PINX1: variants seen among roughly 807,000 people sequenced by gnomAD.
PINX1 encodes PIN2/TERF1-interacting telomerase inhibitor 1.
PINX1 carries 34 observed loss-of-function variants against 25.4 expected under a neutral mutation model. That is an observed-to-expected ratio of 1.34 (90% CI 1.02 to 1.78). The LOEUF is 1.78. Ranked by LOEUF, PINX1 falls within the 40% of genes most tolerant of loss-of-function variation. PINX1 has a pLI of 0.00. For synonymous variants in PINX1, 197 were observed against 147.7 expected (o/e 1.33, Z -2.42); for missense variants, 592 against 404.9 (o/e 1.46, Z -3.97).
intron 6 of PINX1, among the ~76,000 whole-genome samples, chr8:10,794,407 T>C (rs917208131): frequency 2.0e-5 from 3 of 151,788 alleles, no homozygotes; most frequent in African/African-American, 4.8e-5. Flanking sequence ...TATTACAAAG[T>C]AAAAAGGAGC....
Position 10,765,333 on chromosome 8 carries a change from G to C in PINX1, c.*68C>G, listed in dbSNP as rs980803752. 5.5e-5 allele frequency: 78 copies of C among 1,422,382 alleles called. No individual in the cohort carries two copies. The highest frequency in any genetic ancestry group is 3.6e-5 in the Non-Finnish European group (38 of 1,067,892). 88.1% of individuals were successfully genotyped at this position (1,422,382 alleles called of 1,614,324 possible). On this transcript the variant is annotated 3_prime_UTR_variant, in exon 7 of 7. Coordinates refer to ENST00000314787, the MANE Select transcript of PINX1 (RefSeq NM_017884.6). ...TGGGGTGAACTCTGCTGTGACTTCAGGCCAGAGGTGTCTGCCCCCGCAGTG... is the reference window on the plus strand; with the variant it reads ...TGGGGTGAACTCTGCTGTGACTTCACGCCAGAGGTGTCTGCCCCCGCAGTG...
chr8:10,825,963 G>A (rs1035833625), intron 5 of PINX1, among the ~76,000 whole-genome samples, 189 bp downstream of exon 5: 2 of 152,188 alleles, frequency 1.3e-5, no homozygotes, highest in Non-Finnish European at 2.9e-5. Context: ...AGATCTCCTA[G>A]ATCTGAATTC....
At position 10,765,686 on chromosome 8, in the gene PINX1, C is replaced by T; in HGVS notation, c.702G>A (p.Arg234=). The T allele has an allele frequency of 1.2e-6, 2 of 1,614,038 alleles. No individual in the cohort carries two copies. Among genetic ancestry groups the T allele is most frequent in the South Asian group, 2.2e-5 (2 of 91,082 alleles). ...VESYLQPKAK[R]HTEGKPERAE... ...CCCTCTCGGGCTTTCCCTCCGTGTG[C>T]CTCTTGGCCTTAGGCTGGAGGTAAC... is the stretch of plus-strand genomic sequence containing the variant. Residue 234 remains arginine, a synonymous_variant, in exon 7 of 7, where the codon AGG becomes AGA. Transcript: ENST00000314787.
chr8:10,765,734 C>T lies in PINX1; in HGVS notation c.654G>A (p.Glu218=), dbSNP rs78683604. 2.1e-5 allele frequency: 34 copies of T among 1,614,030 alleles called. No individual in the cohort carries two copies. In the East Asian group the frequency reaches 7.1e-4, roughly 34 times the overall value. Residue 218 remains glutamate (E), a synonymous_variant, in exon 7 of 7, where the codon GAG becomes GAA. Transcript: ENST00000314787. ...AACTTTCCACATCTTTACCTGTGGC[C>T]TCTTTATTTCTTTTCTTCCCCCTTT... ...ERKRGKKRNK[E]ATGKDVESYL...
At position 10,765,369 on chromosome 8, in the gene PINX1, T is replaced by G. The variant is rs1800996065; in HGVS notation, c.*32A>C. ...TCTGCCCCCGCAGTGCCCTGACAGC[T>G]GAGTGGTCGGAAGGCCCCGGCTGGG... On this transcript the variant is annotated 3_prime_UTR_variant, in exon 7 of 7. Coordinates refer to ENST00000314787, the MANE Select transcript of PINX1 (RefSeq NM_017884.6). The G allele has an allele frequency of 1.3e-6, 2 of 1,548,248 alleles. No homozygotes were observed. The highest frequency in any genetic ancestry group is 4.5e-5 in the East Asian group (2 of 44,364).
intron 6 of PINX1, among the ~76,000 whole-genome samples, chr8:10,768,488 A>G (rs1801127537): frequency 6.6e-6 from 1 of 152,122 alleles, no homozygotes; most frequent in South Asian, 2.1e-4. Flanking sequence ...CTCATCATCA[A>G]CTTCTGGGAT....
rs572509279 is a variant in PINX1, at chr8:10,809,458, T to C, written c.471+10735A>G. ...CAAAAGCTGTGCTCAATAGAAAATA[T>C]AGCTCTGTAATGCTTCTTACTCACA... On this transcript the variant is annotated intron_variant, in intron 6 of 6. Coordinates refer to ENST00000314787, the MANE Select transcript of PINX1 (RefSeq NM_017884.6). Among the ~76,000 whole-genome samples, 13 of 152,322 alleles carry C rather than the reference T, an allele frequency of 8.5e-5. No individual in the cohort carries two copies. In the South Asian group the frequency reaches 1.9e-3, roughly 22 times the overall value.
At position 10,772,908 on chromosome 8, in the gene PINX1, G is replaced by T. The variant is rs532911323; in HGVS notation, c.472-6992C>A. Among the ~76,000 whole-genome samples the T allele has an allele frequency of 2.0e-5, 3 of 150,212 alleles. No individual in the cohort carries two copies. The South Asian group carries it at 6.4e-4, about 32-fold the overall frequency. Reference sequence around the variant, plus strand: ...GAACAGAGACTGGTGAACTATGGCCGTGGGCCTAGTTTTTAATGATTTTTT... The same window carrying T: ...GAACAGAGACTGGTGAACTATGGCCTTGGGCCTAGTTTTTAATGATTTTTT... On this transcript the variant is annotated intron_variant, in intron 6 of 6. Coordinates refer to ENST00000314787, the MANE Select transcript of PINX1 (RefSeq NM_017884.6).
At chr8:10,803,432 G>A (rs1342983643) in intron 6 of PINX1, among the ~76,000 whole-genome samples, 1 of 152,132 alleles carries the variant, frequency 6.6e-6, no homozygotes, top group Non-Finnish European at 1.5e-5. Flanking sequence ...CTACACTAGC[G>A]CATGATACTT....
rs1798230290 is a variant in PINX1, at chr8:10,831,658, T to C, written c.301+7A>G. On this transcript the variant is annotated splice_region_variant and intron_variant, in intron 4 of 6. Coordinates refer to ENST00000314787, the MANE Select transcript of PINX1 (RefSeq NM_017884.6). ...CATTGAGAACTTATGTCATCTGATT[T>C]CCCTACCTGTGGTTTCCTGCCCATG... is the stretch of plus-strand genomic sequence containing the variant. 1.9e-6 allele frequency: 3 copies of C among 1,575,610 alleles called. No homozygotes were observed. Among genetic ancestry groups the C allele is most frequent in the Non-Finnish European group, 2.6e-6 (3 of 1,149,480 alleles).
intron 1 of PINX1, among the ~76,000 whole-genome samples, chr8:10,836,152 C>T (rs1798399263): frequency 6.6e-6 from 1 of 152,018 alleles, no homozygotes; most frequent in Admixed American, 6.6e-5. Flanking sequence ...CACTGTGGCA[C>T]ACATAAAATC....
chr8:10,791,515 T>C (rs753038636), intron 6 of PINX1, among the ~76,000 whole-genome samples: 1 of 152,204 alleles, frequency 6.6e-6, no homozygotes, highest in Non-Finnish European at 1.5e-5. Context: ...ACTTGTGGCA[T>C]GCCAGCTGGT....
chr8:10,766,388 T>TA (rs1316355829), intron 6 of PINX1, among the ~76,000 whole-genome samples: 2 of 152,178 alleles, frequency 1.3e-5, no homozygotes, highest in Admixed American at 6.5e-5. Context: ...TCTAGAAACT[T>TA]AGACGCCATC....
intron 6 of PINX1, among the ~76,000 whole-genome samples, chr8:10,799,478 T>C (rs1309577047): frequency 3.9e-5 from 6 of 152,214 alleles, no homozygotes; most frequent in Non-Finnish European, 8.8e-5. Context: ...CTCTGCATTC[T>C]AGACCTGCCA....
chr8:10,819,307 C>A (rs762686856), intron 6 of PINX1, among the ~76,000 whole-genome samples: 5 of 152,166 alleles, frequency 3.3e-5, no homozygotes, highest in Non-Finnish European at 4.4e-5. Context: ...TTCTGTCAGT[C>A]TGGAAAAATG....
chr8:10,826,066 G>A, intron 5 of PINX1, 86 bp downstream of exon 5: 2 of 683,566 alleles, frequency 2.9e-6, no homozygotes, highest in Non-Finnish European at 5.1e-6. Context: ...GCATGAAGTC[G>A]CTATTGGCCC....
At chr8:10,835,813 G>C (rs1798388386) in intron 1 of PINX1, among the ~76,000 whole-genome samples, 1 of 152,138 alleles carries the variant, frequency 6.6e-6, no homozygotes, top group Non-Finnish European at 1.5e-5. Context: ...AAAAAGGAAG[G>C]AAGGAGTATA....
intron 6 of PINX1, among the ~76,000 whole-genome samples, chr8:10,807,911 G>C (rs1240674266): frequency 2.0e-5 from 3 of 152,186 alleles, no homozygotes; most frequent in African/African-American, 2.4e-5. Flanking sequence ...AATCTTAAGA[G>C]AGAGGTCTCC....
intron 5 of PINX1, chr8:10,821,999 T>C (rs1328788115): frequency 6.6e-6 from 1 of 152,234 alleles, no homozygotes; most frequent in Non-Finnish European, 1.5e-5. Flanking sequence ...GCTATATCAA[T>C]GAAGGTGCAA....
Sources: gnomAD v4.1 joint callset for allele counts (sites outside exome capture counted in the v4.1 genomes callset) on GRCh38, gnomAD v4.1.1 for gene constraint, MANE v1.5 for transcripts, NCBI Gene and HGNC (gene_info 2026-07-23, HGNC 2026-07-21) for gene names.